The following TRPM3 variants were observed in gnomAD, a reference collection of about 807,000 sequenced individuals.
TRPM3 encodes the protein transient receptor potential cation channel subfamily M member 3, also known as long transient receptor potential channel 3.
Under a neutral mutation model 181.2 loss-of-function variants are expected in TRPM3, and 77 were observed. The observed-to-expected ratio is 0.42, with a 90% confidence interval of 0.35 to 0.51. TRPM3 has a LOEUF of 0.51. TRPM3 is among the 20% of genes least tolerant of loss of function. The probability of loss-of-function intolerance (pLI) is 0.01; values close to 1 mark genes in which losing one functional copy is unlikely to be tolerated. For missense variants in TRPM3, 1,759 were observed against 2,196.7 expected (o/e 0.80, Z 3.98); for synonymous variants, 745 against 796.4 (o/e 0.94, Z 1.09).
At chr9:71,366,965 A>T (rs974595255) in intron 1 of TRPM3, among the ~76,000 whole-genome samples, 4 of 151,804 alleles carry the variant, frequency 2.6e-5, no homozygotes, top group African/African-American at 9.7e-5. Flanking sequence ...GCTGTTTTTA[A>T]AAGTGTCAGG....
chr9:70,944,914 G>C (rs1034866051), intron 1 of TRPM3, among the ~76,000 whole-genome samples: 1 of 150,984 alleles, frequency 6.6e-6, no homozygotes, highest in African/African-American at 2.4e-5. Flanking sequence ...CCACATAAAA[G>C]CCTCAGTAAA....
chr9:71,012,229 T>C (rs2097751416), intron 1 of TRPM3, among the ~76,000 whole-genome samples: 1 of 152,234 alleles, frequency 6.6e-6, no homozygotes, highest in African/African-American at 2.4e-5. Context: ...CCAACATAAC[T>C]TATTAAAAAG....
intron 6 of TRPM3, among the ~76,000 whole-genome samples, chr9:70,821,055 G>T (rs1032626615): frequency 6.6e-6 from 1 of 152,150 alleles, no homozygotes; most frequent in Admixed American, 6.5e-5. Context: ...AACCAGAAAA[G>T]ATGACTGTTA....
At chr9:71,007,768 C>T (rs145651402) in intron 1 of TRPM3, among the ~76,000 whole-genome samples, 258 of 152,096 alleles carry the variant, frequency 1.7e-3, no homozygotes, top group Non-Finnish European at 3.0e-3. Flanking sequence ...AAATGGAATA[C>T]AACCGATCAA....
chr9:70,662,561 C>T (rs1315431781), intron 9 of TRPM3, among the ~76,000 whole-genome samples: 1 of 151,846 alleles, frequency 6.6e-6, no homozygotes, highest in Admixed American at 6.6e-5. Context: ...ACAAATAATC[C>T]CATGAAAAAG....
rs2096369922 is a variant in TRPM3 at position 70,900,527 on chromosome 9, GCTTT to G, written c.178-36020_178-36017del. Among the ~76,000 whole-genome samples, 4 of 152,260 alleles carry G rather than the reference GCTTT, an allele frequency of 2.6e-5. No homozygotes were observed. The South Asian group carries it at 8.3e-4, about 32-fold the overall frequency. On this transcript the variant is annotated intron_variant, in intron 1 of 25. Coordinates refer to ENST00000677713, the MANE Select transcript of TRPM3 (RefSeq NM_001366145.2). ...TTTAAAATAATCAAAATAATTAAAT[GCTTT>G]CTTTCCAAAGGCGTATTCTCTAAGT...
At chr9:71,221,555 G>T (rs2080241613) in intron 1 of TRPM3, among the ~76,000 whole-genome samples, 1 of 151,890 alleles carries the variant, frequency 6.6e-6, no homozygotes. Flanking sequence ...GTGTGTTTTT[G>T]GCACTTATCA....
chr9:71,402,240 A>G (rs2093354453), intron 1 of TRPM3, among the ~76,000 whole-genome samples: 2 of 152,250 alleles, frequency 1.3e-5, no homozygotes, highest in African/African-American at 4.8e-5. Context: ...AATTTAATGA[A>G]CAAACATGAA....
chr9:70,741,429 T>G (rs2074063051), intron 8 of TRPM3, among the ~76,000 whole-genome samples: 1 of 152,208 alleles, frequency 6.6e-6, no homozygotes. Context: ...CTTAAAGAAC[T>G]AAAAGTAGAA....
chr9:70,690,389 C>G (rs904542062), intron 8 of TRPM3, among the ~76,000 whole-genome samples: 6 of 152,142 alleles, frequency 3.9e-5, no homozygotes, highest in Non-Finnish European at 8.8e-5. Context: ...ACATCTTCGG[C>G]TTTCATAAAC....
chr9:71,394,320 G>A (rs753923770), intron 1 of TRPM3, among the ~76,000 whole-genome samples: 3 of 152,022 alleles, frequency 2.0e-5, no homozygotes, highest in African/African-American at 4.8e-5. Flanking sequence ...TGTGTATATT[G>A]TATGACTTCA....
At chr9:70,796,853 G>A (rs1423543982) in intron 6 of TRPM3, among the ~76,000 whole-genome samples, 1 of 152,186 alleles carries the variant, frequency 6.6e-6, no homozygotes, top group Non-Finnish European at 1.5e-5. Context: ...AGGGGGCTGG[G>A]CATGGTGGCT....
chr9:70,864,122 T>C (rs2095585936), intron 2 of TRPM3, among the ~76,000 whole-genome samples: 1 of 151,960 alleles, frequency 6.6e-6, no homozygotes, highest in African/African-American at 2.4e-5. Flanking sequence ...TAACTAAGCA[T>C]TTGGAGGAGG....
At chr9:71,354,232 A>G (rs550090818) in intron 1 of TRPM3, among the ~76,000 whole-genome samples, 2 of 152,310 alleles carry the variant, frequency 1.3e-5, no homozygotes, top group East Asian at 3.9e-4. Flanking sequence ...GCAAGTTGCA[A>G]TAGGCCACAG....
intron 1 of TRPM3, among the ~76,000 whole-genome samples, chr9:71,134,440 T>C (rs1371733580): frequency 1.3e-5 from 2 of 150,764 alleles, no homozygotes; most frequent in Non-Finnish European, 2.9e-5. Flanking sequence ...TAGTCCCAGC[T>C]ACTTGGGAGG....
chr9:71,171,606 C>A (rs1455421148), intron 1 of TRPM3, among the ~76,000 whole-genome samples: 1 of 152,108 alleles, frequency 6.6e-6, no homozygotes, highest in Non-Finnish European at 1.5e-5. Context: ...CAATTCCTGT[C>A]TCTAAAATAC....
At chr9:71,045,240 G>A (rs2059302423) in intron 1 of TRPM3, among the ~76,000 whole-genome samples, 1 of 151,900 alleles carries the variant, frequency 6.6e-6, no homozygotes, top group African/African-American at 2.4e-5. Context: ...GGGACTACAG[G>A]GTTTTATTTT....
chr9:70,841,338 A>G (rs2094610090), intron 5 of TRPM3, among the ~76,000 whole-genome samples: 2 of 151,970 alleles, frequency 1.3e-5, no homozygotes, highest in African/African-American at 4.8e-5. Flanking sequence ...TTTAATTAAG[A>G]GAATATTAAC....
intron 2 of TRPM3, among the ~76,000 whole-genome samples, chr9:70,864,062 G>T (rs1251873274): frequency 2.0e-5 from 3 of 152,046 alleles, no homozygotes; most frequent in Non-Finnish European, 2.9e-5. Flanking sequence ...TCTGCTAGGA[G>T]TCTTTTATTT....
Sources: gnomAD v4.1 joint callset for allele counts (sites outside exome capture counted in the v4.1 genomes callset) on GRCh38, gnomAD v4.1.1 for gene constraint, MANE v1.5 for transcripts, NCBI Gene and HGNC (gene_info 2026-07-23, HGNC 2026-07-21) for gene names.